The following SERPINI1 variants were observed in gnomAD, a reference collection of about 807,000 sequenced individuals.
The protein encoded by SERPINI1 is neuroserpin.
SERPINI1 carries 19 observed loss-of-function variants against 41.1 expected under a neutral mutation model. The ratio of observed to expected loss-of-function variants is 0.46; its 90% CI spans 0.32 to 0.68. The LOEUF is 0.68. Among genes scored for constraint, SERPINI1 ranks in the 30% least tolerant of loss-of-function variants. SERPINI1 has a pLI of 0.03. For missense variants in SERPINI1, 460 were observed against 479.2 expected (o/e 0.96, Z 0.37); for synonymous variants, 138 against 156.6 (o/e 0.88, Z 0.89).
chr3:167,769,576 A>G lies in SERPINI1; in HGVS notation c.-18-19535A>G, dbSNP rs192907219. Among the ~76,000 whole-genome samples, 108 of 152,338 alleles carry G rather than the reference A, an allele frequency of 7.1e-4. No homozygotes were observed. The Middle Eastern group carries it at 0.01, about 14-fold the overall frequency. On this transcript the variant is annotated intron_variant, in intron 1 of 8. Transcript: ENST00000446050. ...ACCTTTGTATAAGTAAGAAAGAACC[A>G]TAAAATCCCAGCCCTAAAGATTATA...
chr3:167,814,989 T>G lies in SERPINI1; in HGVS notation c.979+7648T>G, dbSNP rs564740591. ...TTGATTGTTTGAGAGAATAGCTAAC[T>G]TTTCTCTAACCAACAAGACAAGCTC... On this transcript the variant is annotated intron_variant, in intron 6 of 8. Coordinates refer to ENST00000446050, the MANE Select transcript of SERPINI1 (RefSeq NM_001122752.2). Among the ~76,000 whole-genome samples the G allele has an allele frequency of 7.2e-5, 11 of 152,324 alleles. No homozygotes were observed. In the South Asian group the frequency reaches 2.3e-3, roughly 32 times the overall value.
Position 167,751,012 on chromosome 3 carries a change from C to T in SERPINI1, c.-19+15189C>T, listed in dbSNP as rs185749501. On this transcript the variant is annotated intron_variant, in intron 1 of 8. Coordinates refer to ENST00000446050, the MANE Select transcript of SERPINI1 (RefSeq NM_001122752.2). ...TAAAAACTCTAACTTCAGACAAAAACTAGAGAATGTTTCATGATAATATTA... is the reference window on the plus strand; with the variant it reads ...TAAAAACTCTAACTTCAGACAAAAATTAGAGAATGTTTCATGATAATATTA... 1.8e-3 allele frequency among the ~76,000 whole-genome samples: 273 copies of T among 151,840 alleles called. 1 individual carries two copies. The highest frequency in any genetic ancestry group is 6.2e-3 in the African/African-American group (256 of 41,408).
Position 167,825,435 on chromosome 3 carries a change from GT to G in SERPINI1, c.*114del, listed in dbSNP as rs1712487647. On this transcript the variant is annotated 3_prime_UTR_variant, in exon 9 of 9. Transcript: ENST00000446050. ...ATATCTTAAGATAATATTTAAAATA[GT>G]TCCAGATAAAAACAATATATGTAAA... is the stretch of plus-strand genomic sequence containing the variant. The G allele has an allele frequency of 4.1e-6, 3 of 733,796 alleles. No individual in the cohort carries two copies. In the South Asian group the frequency reaches 4.7e-5, roughly 11 times the overall value. The allele number at this position is 733,796 out of a possible 1,614,324, so 45.5% of individuals were successfully genotyped here.
At chr3:167,803,151 A>G (rs925139041) in intron 5 of SERPINI1, among the ~76,000 whole-genome samples, 8 of 152,114 alleles carry the variant, frequency 5.3e-5, no homozygotes, top group African/African-American at 1.9e-4. Flanking sequence ...GGGGAGGGAT[A>G]GCATTGGGAT....
intron 1 of SERPINI1, among the ~76,000 whole-genome samples, chr3:167,751,530 G>A (rs558105624): frequency 6.6e-6 from 1 of 152,266 alleles, no homozygotes; most frequent in Admixed American, 6.5e-5. Flanking sequence ...CACATGGAAA[G>A]GAATAGGAAA....
intron 1 of SERPINI1, among the ~76,000 whole-genome samples, chr3:167,751,127 T>C (rs1021835610): frequency 6.6e-6 from 1 of 152,134 alleles, no homozygotes; most frequent in African/African-American, 2.4e-5. Context: ...CTGTCTCACC[T>C]CCTGCCAGCT....
At chr3:167,792,350 CATATATATAT>C (rs1375321070) in intron 3 of SERPINI1, among the ~76,000 whole-genome samples, 6 of 142,192 alleles carry the variant, frequency 4.2e-5, no homozygotes, top group Non-Finnish European at 6.1e-5. Flanking sequence ...TATACACACA[CATATATATAT>C]ACACACATAT....
In SERPINI1 at chr3:167,777,184, A is replaced by C. The variant is rs144216222; in HGVS notation, c.-18-11927A>C. ...ACATCCACTCTGCTCCTTGGCTATA[A>C]ATTCCCACTTGTCCTGGTATTTGGA... is the stretch of plus-strand genomic sequence containing the variant. On this transcript the variant is annotated intron_variant, in intron 1 of 8. Transcript: ENST00000446050. Among the ~76,000 whole-genome samples, 587 of 152,142 alleles carry C rather than the reference A, an allele frequency of 3.9e-3. 1 individual carries two copies. The highest frequency in any genetic ancestry group is 0.014 in the African/African-American group (563 of 41,498).
intron 1 of SERPINI1, among the ~76,000 whole-genome samples, chr3:167,773,863 C>CTATAGTCCTGAAA (rs1379752395): frequency 2.0e-5 from 3 of 152,128 alleles, no homozygotes; most frequent in Non-Finnish European, 2.9e-5. Flanking sequence ...TCACCACAGT[C>CTATAGTCCTGAAA]TATAGTCCTG....
chr3:167,807,509 A>G (rs867837599), intron 6 of SERPINI1, among the ~76,000 whole-genome samples, 168 bp downstream of exon 6: 1 of 152,348 alleles, frequency 6.6e-6, no homozygotes, highest in South Asian at 2.1e-4. Flanking sequence ...AACTATAGAT[A>G]TAGTCTTAAC....
intron 6 of SERPINI1, among the ~76,000 whole-genome samples, chr3:167,813,596 C>G (rs1711967220): frequency 1.3e-5 from 2 of 152,150 alleles, no homozygotes; most frequent in East Asian, 3.9e-4. Flanking sequence ...AGACGTTTGA[C>G]CTGACATTCC....
chr3:167,787,306 T>G (rs1396041306), intron 1 of SERPINI1, among the ~76,000 whole-genome samples: 1 of 152,238 alleles, frequency 6.6e-6, no homozygotes, highest in African/African-American at 2.4e-5. Flanking sequence ...AAGTATGGTA[T>G]AGTAAATACA....
intron 6 of SERPINI1, among the ~76,000 whole-genome samples, chr3:167,820,708 G>A (rs1304655989): frequency 6.6e-6 from 1 of 152,194 alleles, no homozygotes; most frequent in African/African-American, 2.4e-5. Context: ...TGGATGCCAT[G>A]GGTACTGTGG....
chr3:167,759,400 G>GTGTATGTATGTATATATATATATATATA (rs964402772), intron 1 of SERPINI1, among the ~76,000 whole-genome samples: 1 of 121,118 alleles, frequency 8.3e-6, no homozygotes, highest in African/African-American at 3.0e-5. Flanking sequence ...AGAAAATGTG[G>GTGTATGTATGTATATATATATATATATA]TATATATATA....
chr3:167,772,141 A>G (rs1252978286), intron 1 of SERPINI1, among the ~76,000 whole-genome samples: 1 of 152,222 alleles, frequency 6.6e-6, no homozygotes. Context: ...TGTTATGAGC[A>G]TTAGCAATAA....
At position 167,806,032 on chromosome 3, in the gene SERPINI1, T is replaced by C. The variant is rs76232635; in HGVS notation, c.882-1212T>C. On this transcript the variant is annotated intron_variant, in intron 5 of 8. Coordinates refer to ENST00000446050, the MANE Select transcript of SERPINI1 (RefSeq NM_001122752.2). ...AAAGACACATTCACATGTATGTATA[T>C]TGAAGCACTATTTACAATAGCAAAG... Among the ~76,000 whole-genome samples, 1,270 of 152,258 alleles carry C rather than the reference T, an allele frequency of 8.3e-3. 7 individuals are homozygous for C. Among genetic ancestry groups the C allele is most frequent in the African/African-American group, 0.029 (1,205 of 41,538 alleles).
Position 167,794,622 on chromosome 3 carries a change from G to A in SERPINI1, c.679G>A (p.Glu227Lys), listed in dbSNP as rs1360805408. The A allele has an allele frequency of 6.2e-7, 1 of 1,612,968 alleles. No individual in the cohort carries two copies. Among genetic ancestry groups the A allele is most frequent in the Non-Finnish European group, 8.5e-7 (1 of 1,179,506 alleles). The change falls in exon 5 of 9, where the codon GAA becomes AAA. Residue 227 changes from glutamate (E) to lysine (K), a missense_variant and splice_region_variant. Glu to Lys is a moderately conservative substitution (Grantham distance 56). Coordinates refer to ENST00000446050, the MANE Select transcript of SERPINI1 (RefSeq NM_001122752.2). ...TATGGCCTTTATTTTCTTTTTAGGG[G>A]AATTTAGTGATGGCTCCAATGAAGC... is the stretch of plus-strand genomic sequence containing the variant. ...MYQQGEFYYG[E>K]FSDGSNEAGG...
intron 1 of SERPINI1, among the ~76,000 whole-genome samples, chr3:167,757,787 C>A (rs573654152): frequency 6.6e-6 from 1 of 152,022 alleles, no homozygotes; most frequent in Non-Finnish European, 1.5e-5. Flanking sequence ...AGCTTGGTGG[C>A]CTGCGCCTGT....
At chr3:167,805,883 C>T (rs1027360906) in intron 5 of SERPINI1, among the ~76,000 whole-genome samples, 1 of 152,074 alleles carries the variant, frequency 6.6e-6, no homozygotes, top group Non-Finnish European at 1.5e-5. Context: ...GGTCTCTGTT[C>T]TGTTCCATTG....
Sources: gnomAD v4.1 joint callset for allele counts (sites outside exome capture counted in the v4.1 genomes callset) on GRCh38, gnomAD v4.1.1 for gene constraint, MANE v1.5 for transcripts, NCBI Gene and HGNC (gene_info 2026-07-23, HGNC 2026-07-21) for gene names.